The following DPP10 variants were observed in gnomAD, a reference collection of about 807,000 sequenced individuals.
DPP10 encodes the protein inactive dipeptidyl peptidase 10.
A neutral mutation model predicts 120.9 loss-of-function variants in DPP10; 33 were observed. The observed-to-expected ratio is 0.27, with a 90% confidence interval of 0.21 to 0.37. DPP10 has a LOEUF of 0.37. DPP10 is among the 10% of genes least tolerant of loss of function. DPP10 has a pLI of 1.00. For synonymous variants in DPP10, 337 were observed against 326.1 expected (o/e 1.03, Z -0.36); for missense variants, 816 against 942.8 (o/e 0.87, Z 1.76).
chr2:114,548,310 T>C (rs924438910), intron 1 of DPP10, among the ~76,000 whole-genome samples: 19 of 152,116 alleles, frequency 1.2e-4, no homozygotes, highest in African/African-American at 4.3e-4. Flanking sequence ...TGCTCAGAAA[T>C]GGTGATGTCA....
intron 1 of DPP10, among the ~76,000 whole-genome samples, chr2:114,736,940 G>A (rs1007329383): frequency 1.3e-5 from 2 of 152,262 alleles, no homozygotes; most frequent in South Asian, 4.1e-4. Flanking sequence ...CTTACTAAAT[G>A]TACAGTAATT....
chr2:115,777,867 T>C (rs773715551), intron 15 of DPP10, 33 bp downstream of exon 15: 6 of 1,601,446 alleles, frequency 3.7e-6, no homozygotes, highest in Non-Finnish European at 5.1e-6. Context: ...CTTACACAGA[T>C]TGGCTTCTCA....
chr2:115,428,467 G>T (rs1223282354), intron 3 of DPP10, among the ~76,000 whole-genome samples: 2 of 152,082 alleles, frequency 1.3e-5, no homozygotes, highest in African/African-American at 4.8e-5. Context: ...TGGCTTCTGG[G>T]GAGGCCTCAG....
intron 1 of DPP10, among the ~76,000 whole-genome samples, chr2:114,881,859 T>G (rs371108816): frequency 2.6e-5 from 4 of 152,144 alleles, no homozygotes; most frequent in African/African-American, 9.7e-5. Context: ...ACCAGAGATC[T>G]TAACAGTCCA....
chr2:114,985,393 A>G (rs1444304305), intron 1 of DPP10, among the ~76,000 whole-genome samples: 1 of 152,178 alleles, frequency 6.6e-6, no homozygotes, highest in African/African-American at 2.4e-5. Flanking sequence ...TCTTCACAGC[A>G]GTTGCCACAG....
intron 1 of DPP10, among the ~76,000 whole-genome samples, chr2:115,302,382 T>A (rs1275942585): frequency 6.6e-6 from 1 of 152,008 alleles, no homozygotes; most frequent in East Asian, 1.9e-4. Context: ...CGAGTTCTTT[T>A]ATAAACAAAT....
chr2:114,698,519 C>T (rs1010949436), intron 1 of DPP10, among the ~76,000 whole-genome samples: 2 of 152,104 alleles, frequency 1.3e-5, no homozygotes, highest in African/African-American at 4.8e-5. Context: ...TGTTATGCAG[C>T]AATAAATAAT....
intron 5 of DPP10, among the ~76,000 whole-genome samples, chr2:115,546,519 A>G (rs1187534544): frequency 1.3e-5 from 2 of 152,084 alleles, no homozygotes; most frequent in African/African-American, 2.4e-5. Flanking sequence ...TTTCTCAACA[A>G]TTTTATTCCT....
intron 7 of DPP10, among the ~76,000 whole-genome samples, chr2:115,710,491 A>T (rs2092282497): frequency 6.6e-6 from 1 of 152,092 alleles, no homozygotes; most frequent in South Asian, 2.1e-4. Context: ...TACTGATAAA[A>T]ATCAGATTGC....
chr2:114,890,285 C>G (rs1692432006), intron 1 of DPP10, among the ~76,000 whole-genome samples: 1 of 152,094 alleles, frequency 6.6e-6, no homozygotes, highest in African/African-American at 2.4e-5. Context: ...AGAAAACATA[C>G]TGCTCAAGAA....
At chr2:115,133,145 G>GTATATATA (rs1246180843) in intron 1 of DPP10, among the ~76,000 whole-genome samples, 468 of 28,726 alleles carry the variant, frequency 0.016, 21 homozygotes, top group Middle Eastern at 0.045. Flanking sequence ...GTGTGTGTGT[G>GTATATATA]TATATATATA....
chr2:115,803,926 G>A (rs912477905), intron 19 of DPP10, among the ~76,000 whole-genome samples: 5 of 152,004 alleles, frequency 3.3e-5, no homozygotes, highest in Admixed American at 2.6e-4. Context: ...TGCTCTTCTC[G>A]AGCAGTATCT....
chr2:115,255,403 C>T (rs2058939913), intron 1 of DPP10, among the ~76,000 whole-genome samples: 1 of 152,160 alleles, frequency 6.6e-6, no homozygotes, highest in African/African-American at 2.4e-5. Context: ...GCCTCTTGGC[C>T]TGTGATAGGA....
At chr2:114,592,675 C>A (rs572602199) in intron 1 of DPP10, among the ~76,000 whole-genome samples, 1 of 151,468 alleles carries the variant, frequency 6.6e-6, no homozygotes. Context: ...GAAAAAAAAA[C>A]CCTCAAAACG....
At chr2:115,390,140 C>T (rs560771649) in intron 3 of DPP10, among the ~76,000 whole-genome samples, 1 of 152,264 alleles carries the variant, frequency 6.6e-6, no homozygotes, top group South Asian at 2.1e-4. Flanking sequence ...GAGAGATACT[C>T]AAGTATTATT....
At chr2:115,400,005 G>A (rs980085382) in intron 3 of DPP10, among the ~76,000 whole-genome samples, 2 of 152,144 alleles carry the variant, frequency 1.3e-5, no homozygotes, top group Non-Finnish European at 2.9e-5. Flanking sequence ...GGTAAAAACA[G>A]AGCAGGACGT....
In DPP10 at chr2:115,780,856, TC is replaced by T. The variant is rs758121767; in HGVS notation, c.1362-16del. On this transcript the variant is annotated splice_polypyrimidine_tract_variant and intron_variant, in intron 15 of 25. Coordinates refer to ENST00000410059, the MANE Select transcript of DPP10 (RefSeq NM_020868.6). ...GAATAGTAGCATTTCTATAATAACT[TC>T]CTTTTTCTTTCTCCAGTGCTTCTAC... The T allele has an allele frequency of 8.2e-6, 13 of 1,593,622 alleles. No individual in the cohort carries two copies. In the African/African-American group the frequency reaches 1.3e-4, roughly 17 times the overall value.
intron 3 of DPP10, among the ~76,000 whole-genome samples, chr2:115,472,407 A>AAAC (rs1478491970): frequency 3.3e-5 from 5 of 152,214 alleles, no homozygotes; most frequent in Non-Finnish European, 7.3e-5. Context: ...AAGCAGAAAG[A>AAAC]AACAGGTGAA....
intron 1 of DPP10, among the ~76,000 whole-genome samples, chr2:115,227,505 T>C (rs529806629): frequency 6.6e-5 from 10 of 152,350 alleles, no homozygotes; most frequent in Admixed American, 1.3e-4. Context: ...GGCAGCTATA[T>C]ATATCTGCTG....
Sources: allele counts gnomAD v4.1 joint callset (sites outside exome capture counted in the v4.1 genomes callset), GRCh38; gene constraint gnomAD v4.1.1; transcripts MANE v1.5; gene names NCBI Gene and HGNC (gene_info 2026-07-23, HGNC 2026-07-21).